Variants in KNTC1 observed in about 807,000 individuals in gnomAD.
KNTC1 encodes kinetochore-associated protein 1.
Under a neutral mutation model 314.4 loss-of-function variants are expected in KNTC1, and 253 were observed. The observed-to-expected ratio is 0.80, with a 90% CI of 0.73 to 0.89. KNTC1 has a LOEUF of 0.89. Among genes scored for constraint, KNTC1 ranks in the 40% least tolerant of loss-of-function variants. KNTC1 has a pLI of 0.00. For synonymous variants in KNTC1, 901 were observed against 901.4 expected (o/e 1.00, Z 0.01); for missense variants, 2,475 against 2,572.9 (o/e 0.96, Z 0.82).
chr12:122,599,015 A>T (rs186602323), intron 44 of KNTC1, among the ~76,000 whole-genome samples: 3,139 of 151,936 alleles, frequency 0.021, 50 homozygotes, highest in Non-Finnish European at 0.032. Flanking sequence ...TAAAAAAAAA[A>T]TTTTTTTGTG....
At chr12:122,531,478 A>G (rs1443662403) in intron 2 of KNTC1, among the ~76,000 whole-genome samples, 2 of 151,752 alleles carry the variant, frequency 1.3e-5, no homozygotes, top group Non-Finnish European at 2.9e-5. Flanking sequence ...GATTAAAGGC[A>G]TGAGTCACTG....
intron 5 of KNTC1, 76 bp from the exon 6 acceptor site, chr12:122,541,971 CGCT>C: frequency 7.3e-7 from 1 of 1,367,450 alleles, no homozygotes; most frequent in South Asian, 1.5e-5. Flanking sequence ...GCCGAGATCG[CGCT>C]GCTGCACTCC....
chr12:122,615,552 T>TA (rs1196913907), intron 57 of KNTC1, 26 bp downstream of exon 57: 5 of 1,498,278 alleles, frequency 3.3e-6, no homozygotes, highest in Non-Finnish European at 4.5e-6. Context: ...AAATAAATTT[T>TA]ATTGAATTTA....
At position 122,549,791 on chromosome 12, in the gene KNTC1, T is replaced by C; in HGVS notation, c.1013T>C (p.Leu338Ser). ...KKMKNLMVYSLPTMEILYSLE... is the reference protein window; with the variant it reads ...KKMKNLMVYSSPTMEILYSLE... ...ATGAAAAACCTCATGGTTTATTCATTACCTACAATGGAAATACTATATTCT... is the reference window on the plus strand; with the variant it reads ...ATGAAAAACCTCATGGTTTATTCATCACCTACAATGGAAATACTATATTCT... The change falls in exon 13 of 64, where the codon TTA becomes TCA. Residue 338 changes from leucine (L) to serine (S), a missense_variant. Coordinates refer to ENST00000333479, the MANE Select transcript of KNTC1 (RefSeq NM_014708.6). 4 of 1,546,710 alleles carry C rather than the reference T, an allele frequency of 2.6e-6. No individual in the cohort carries two copies. The highest frequency in any genetic ancestry group is 3.5e-6 in the Non-Finnish European group (4 of 1,131,922).
At chr12:122,596,408 G>A (rs1253812224) in intron 43 of KNTC1, among the ~76,000 whole-genome samples, 2 of 151,690 alleles carry the variant, frequency 1.3e-5, no homozygotes, top group Non-Finnish European at 2.9e-5. Flanking sequence ...TGGTAGAGAT[G>A]GGGTTTCACC....
intron 8 of KNTC1, among the ~76,000 whole-genome samples, chr12:122,544,933 G>A (rs946745124): frequency 1.1e-4 from 16 of 152,126 alleles, no homozygotes; most frequent in Non-Finnish European, 2.1e-4. Flanking sequence ...GTGATTCTAC[G>A]TTATTCTTAG....
chr12:122,548,928 A>G (rs1962987003), intron 12 of KNTC1, among the ~76,000 whole-genome samples: 1 of 152,156 alleles, frequency 6.6e-6, no homozygotes, highest in African/African-American at 2.4e-5. Context: ...AGAGTGCACC[A>G]GTGTACTCCA....
intron 20 of KNTC1, among the ~76,000 whole-genome samples, chr12:122,563,320 C>T (rs1348662286): frequency 6.6e-6 from 1 of 152,024 alleles, no homozygotes; most frequent in Non-Finnish European, 1.5e-5. Flanking sequence ...TCCTTATCTG[C>T]AAAGAAGTAA....
rs779163066 is a variant in KNTC1 at position 122,613,199 on chromosome 12, T to C, written c.5710T>C (p.Ser1904Pro). Reference sequence around the variant, plus strand: ...TTTGGCTGACAAGGAAACTATAGAATCTCTCTTTAAAAAACCCATTGAAGA... The same window carrying C: ...TTTGGCTGACAAGGAAACTATAGAACCTCTCTTTAAAAAACCCATTGAAGA... ...FYLADKETIE[S>P]LFKKPIEEVK... The change falls in exon 54 of 64, where the codon TCT becomes CCT. Residue 1904 changes from serine to proline, a missense_variant. Physicochemically the swap from Ser to Pro is moderately conservative, Grantham distance 74 (BLOSUM62 -1). Coordinates refer to ENST00000333479, the MANE Select transcript of KNTC1 (RefSeq NM_014708.6). The C allele has an allele frequency of 1.2e-6, 2 of 1,610,406 alleles. No individual in the cohort carries two copies. The highest frequency in any genetic ancestry group is 2.2e-5 in the South Asian group (2 of 90,792).
chr12:122,577,704 G>A lies in KNTC1; in HGVS notation c.2754G>A (p.Leu918=). Residue 918 remains leucine, a synonymous_variant, in exon 31 of 64, where the codon TTG becomes TTA. Coordinates refer to ENST00000333479, the MANE Select transcript of KNTC1 (RefSeq NM_014708.6). ...ACTGTCTCCTTCTGTTGAAGTCTTTGCCTCCTGCTGAAGCTGAGAAAACTG... is the reference window on the plus strand; with the variant it reads ...ACTGTCTCCTTCTGTTGAAGTCTTTACCTCCTGCTGAAGCTGAGAAAACTG... ...GEDCLLLLKS[L]PPAEAEKTAE... The A allele has an allele frequency of 6.2e-7, 1 of 1,613,582 alleles. No homozygotes were observed. The highest frequency in any genetic ancestry group is 1.1e-5 in the South Asian group (1 of 91,040).
chr12:122,579,388 G>C (rs1593595743), intron 31 of KNTC1, among the ~76,000 whole-genome samples: 5 of 152,182 alleles, frequency 3.3e-5, no homozygotes, highest in Admixed American at 3.3e-4. Flanking sequence ...TTAAGTACCA[G>C]TTTGAATTGC....
rs200844187 is a variant in KNTC1, at chr12:122,585,773, T to G, written c.3672T>G (p.Ala1224=). Residue 1224 remains alanine, a splice_region_variant and synonymous_variant, in exon 37 of 64, where the codon GCT becomes GCG. Coordinates refer to ENST00000333479, the MANE Select transcript of KNTC1 (RefSeq NM_014708.6). ...TGATTTCATCTCTTGTGCCTCTAGC[T>G]GGTAAGTCTTATTTGTATCATTATT... The part of the protein sequence containing the change: ...YELISSLVPL[A]ESKRYPLEST... 2.7e-5 allele frequency: 43 copies of G among 1,613,384 alleles called. No homozygotes were observed. In the East Asian group the frequency reaches 8.5e-4, roughly 32 times the overall value.
In KNTC1 at chr12:122,562,663, C is replaced by G. The variant is rs750344934; in HGVS notation, c.1568C>G (p.Thr523Ser). The G allele has an allele frequency of 3.1e-6, 5 of 1,609,088 alleles. No homozygotes were observed. The highest frequency in any genetic ancestry group is 3.4e-6 in the Non-Finnish European group (4 of 1,176,132). ...KEVLRAHAKLTTFYGAFGPEK... is the reference protein window; with the variant it reads ...KEVLRAHAKLSTFYGAFGPEK... ...GTGCTAAGAGCTCATGCAAAATTGA[C>G]TACTTTTTATGGAGCATTTGGACCA... Residue 523 changes from threonine to serine, a missense_variant, in exon 20 of 64, where the codon ACT becomes AGT. Thr to Ser is a moderately conservative substitution (Grantham distance 58). Transcript: ENST00000333479.
Position 122,527,307 on chromosome 12 carries a change from G to T in KNTC1, c.-118G>T, listed in dbSNP as rs930969748. 2.6e-4 allele frequency: 51 copies of T among 198,166 alleles called. No individual in the cohort carries two copies. Among genetic ancestry groups the T allele is most frequent in the African/African-American group, 1.1e-3 (49 of 42,616 alleles). The allele number at this position is 198,166 out of a possible 1,614,324, so 12.3% of individuals were successfully genotyped here. ...GAGGCGGTTGTGTGAGTCAGGAAGA[G>T]GGGCCAGATATCTGAGTGTTCCTCT... On this transcript the variant is annotated 5_prime_UTR_variant, in exon 1 of 64. In the 5' UTR this introduces an upstream ATG that the reference lacks. Transcript: ENST00000333479.
intron 20 of KNTC1, among the ~76,000 whole-genome samples, chr12:122,565,252 T>TAAA (rs35980710): frequency 7.6e-6 from 1 of 131,756 alleles, no homozygotes. Context: ...TTTTTTTTTT[T>TAAA]AAAAAAAAAA....
chr12:122,599,800 T>C (rs1871584886), intron 44 of KNTC1, among the ~76,000 whole-genome samples: 1 of 152,228 alleles, frequency 6.6e-6, no homozygotes, highest in African/African-American at 2.4e-5. Context: ...GCGACTTTTG[T>C]TGGCATTTAA....
chr12:122,555,480 G>A (rs1431129331), intron 16 of KNTC1, among the ~76,000 whole-genome samples: 1 of 152,154 alleles, frequency 6.6e-6, no homozygotes, highest in Non-Finnish European at 1.5e-5. Flanking sequence ...TGAATCAGAA[G>A]GCGGAGGTTG....
rs1207313783 is a variant in KNTC1, at chr12:122,601,532, A to G, written c.4564-4A>G. 6.6e-6 allele frequency: 10 copies of G among 1,521,414 alleles called. No homozygotes were observed. Among genetic ancestry groups the G allele is most frequent in the African/African-American group, 1.4e-5 (1 of 71,456 alleles). 94.2% of individuals were successfully genotyped at this position (1,521,414 alleles called of 1,614,324 possible). A position where few individuals can be genotyped will look rare whatever the true frequency, so the allele number is the denominator to read the frequency against. On this transcript the variant is annotated splice_region_variant and splice_polypyrimidine_tract_variant and intron_variant, in intron 44 of 63. Transcript: ENST00000333479. ...AGTTTTGATATATTTTTGTTTTTAT[A>G]CAGTTGGATCCTTATGACTATGAAA... is the stretch of plus-strand genomic sequence containing the variant.
intron 22 of KNTC1, 44 bp from the exon 23 acceptor site, chr12:122,570,832 G>A (rs2137909145): frequency 1.6e-6 from 2 of 1,216,780 alleles, no homozygotes; most frequent in South Asian, 1.3e-5. Flanking sequence ...AGTTATGTCA[G>A]TGATTATCCA....
Sources: gnomAD v4.1 joint callset for allele counts (sites outside exome capture counted in the v4.1 genomes callset) on GRCh38, gnomAD v4.1.1 for gene constraint, MANE v1.5 for transcripts, NCBI Gene and HGNC (gene_info 2026-07-23, HGNC 2026-07-21) for gene names.